The following NRG3 variants were observed in gnomAD, a reference collection of about 807,000 sequenced individuals.
NRG3 encodes neuregulin 3.
Under a neutral mutation model 66.9 loss-of-function variants are expected in NRG3, and 31 were observed. The observed-to-expected ratio is 0.46, with a 90% CI of 0.35 to 0.63. The LOEUF is 0.63. NRG3 is among the 20% of genes least tolerant of loss of function. The pLI, the probability that NRG3 is intolerant of heterozygous loss-of-function variation, is 0.00. For missense variants in NRG3, 910 were observed against 878.9 expected, an observed-to-expected ratio of 1.04 and a Z score of -0.45; for synonymous variants, 393 against 359.4, an observed-to-expected ratio of 1.09 and a Z score of -1.06.
chr10:82,745,525 A>G (rs2058605447), intron 3 of NRG3, among the ~76,000 whole-genome samples: 1 of 152,138 alleles, frequency 6.6e-6, no homozygotes, highest in Non-Finnish European at 1.5e-5. Flanking sequence ...ATTTATATGT[A>G]AAATCTGTCA....
chr10:82,425,574 G>A (rs1299689474), intron 2 of NRG3, among the ~76,000 whole-genome samples: 2 of 152,076 alleles, frequency 1.3e-5, no homozygotes, highest in Admixed American at 6.6e-5. Context: ...TTTAACGCAT[G>A]CTTTGTCTCT....
intron 3 of NRG3, among the ~76,000 whole-genome samples, chr10:82,777,358 T>C (rs1291186514): frequency 6.6e-6 from 1 of 152,118 alleles, no homozygotes; most frequent in Non-Finnish European, 1.5e-5. Context: ...TGCTGTCTGG[T>C]TTGACATGTC....
rs1030197354 is a variant in NRG3 at position 82,778,894 on chromosome 10, A to G, written c.1027+40244A>G. Among the ~76,000 whole-genome samples the G allele has an allele frequency of 4.6e-5, 7 of 151,582 alleles. 1 individual carries two copies. In the South Asian group the frequency reaches 1.5e-3, roughly 32 times the overall value. ...TAGACAGGGGTGGAGCTCAGCAGTG[A>G]CTGGGATGCGGGGGAGGGATTCTCT... On this transcript the variant is annotated intron_variant, in intron 3 of 8. Coordinates refer to ENST00000372141, the MANE Select transcript of NRG3 (RefSeq NM_001010848.4).
At chr10:82,175,139 T>G in intron 1 of NRG3, among the ~76,000 whole-genome samples, 1 of 152,158 alleles carries the variant, frequency 6.6e-6, no homozygotes, top group East Asian at 1.9e-4. Flanking sequence ...TACCCATCAC[T>G]TTCTGTCATC....
intron 1 of NRG3, among the ~76,000 whole-genome samples, chr10:81,935,876 AAC>A (rs55670416): frequency 0.16 from 21,731 of 131,980 alleles, 1,897 homozygotes; most frequent in African/African-American, 0.23. Context: ...TCAGTGCCTG[AAC>A]ACACACACAC....
intron 2 of NRG3, among the ~76,000 whole-genome samples, chr10:82,604,472 A>G (rs1036471211): frequency 3.9e-5 from 6 of 152,150 alleles, no homozygotes; most frequent in African/African-American, 1.2e-4. Context: ...ACATTTTGGC[A>G]ATTACAAATA....
intron 1 of NRG3, among the ~76,000 whole-genome samples, chr10:82,050,451 A>G (rs533940068): frequency 5.3e-5 from 8 of 151,812 alleles, no homozygotes; most frequent in Non-Finnish European, 8.8e-5. Flanking sequence ...GGCTGAATGG[A>G]TTGGTGGATG....
intron 4 of NRG3, among the ~76,000 whole-genome samples, chr10:82,906,960 T>C (rs1844790491): frequency 6.6e-6 from 1 of 152,186 alleles, no homozygotes; most frequent in South Asian, 2.1e-4. Flanking sequence ...AATTAGTGAT[T>C]ATAACAGTGG....
intron 6 of NRG3, among the ~76,000 whole-genome samples, chr10:82,961,454 G>A (rs1850630868): frequency 6.6e-6 from 1 of 152,192 alleles, no homozygotes; most frequent in Admixed American, 6.5e-5. Flanking sequence ...GCAGAAAATA[G>A]AAATGGGATT....
chr10:82,595,405 C>A (rs865915829), intron 2 of NRG3, among the ~76,000 whole-genome samples: 1 of 152,178 alleles, frequency 6.6e-6, no homozygotes, highest in Non-Finnish European at 1.5e-5. Flanking sequence ...GATACTTAGT[C>A]TTTTAGCTCT....
chr10:82,220,623 A>G (rs79996718), intron 1 of NRG3, among the ~76,000 whole-genome samples: 1 of 152,138 alleles, frequency 6.6e-6, no homozygotes. Flanking sequence ...AAAAAACTCC[A>G]AAATATCACA....
At chr10:82,319,277 C>T (rs1264474734) in intron 1 of NRG3, among the ~76,000 whole-genome samples, 5 of 152,206 alleles carry the variant, frequency 3.3e-5, no homozygotes, top group Non-Finnish European at 7.3e-5. Flanking sequence ...GGAACCTGAG[C>T]TGTTCCATAT....
At chr10:82,726,412 TG>T (rs2057602212) in intron 2 of NRG3, among the ~76,000 whole-genome samples, 1 of 152,122 alleles carries the variant, frequency 6.6e-6, no homozygotes, top group Non-Finnish European at 1.5e-5. Context: ...AATTGAATCA[TG>T]GGGGCGAGTC....
At chr10:82,456,552 A>T (rs1217326169) in intron 2 of NRG3, among the ~76,000 whole-genome samples, 2 of 152,090 alleles carry the variant, frequency 1.3e-5, no homozygotes, top group African/African-American at 4.8e-5. Flanking sequence ...AGGTAATAGA[A>T]ATTTTTCAGC....
At chr10:82,367,039 A>T (rs1335487070) in intron 2 of NRG3, among the ~76,000 whole-genome samples, 3 of 152,148 alleles carry the variant, frequency 2.0e-5, no homozygotes, top group African/African-American at 7.2e-5. Flanking sequence ...GATCTCTGGC[A>T]GTTAGTACAT....
At chr10:82,280,262 T>C (rs894230488) in intron 1 of NRG3, among the ~76,000 whole-genome samples, 1 of 152,184 alleles carries the variant, frequency 6.6e-6, no homozygotes, top group Non-Finnish European at 1.5e-5. Flanking sequence ...TGATATTAAA[T>C]AGGGCACAAG....
rs2087211094 is a variant in NRG3, at chr10:82,402,849, C to T, written c.953+43981C>T. Reference sequence around the variant, plus strand: ...TGATCACTGTGTTTTTGGATTTGGTCCCAAGTTATTTTCTGTGAGATCCTC... The same window carrying T: ...TGATCACTGTGTTTTTGGATTTGGTTCCAAGTTATTTTCTGTGAGATCCTC... On this transcript the variant is annotated intron_variant, in intron 2 of 8. Coordinates refer to ENST00000372141, the MANE Select transcript of NRG3 (RefSeq NM_001010848.4). 2.0e-5 allele frequency among the ~76,000 whole-genome samples: 3 copies of T among 152,012 alleles called. No homozygotes were observed. In the South Asian group the frequency reaches 6.2e-4, roughly 32 times the overall value.
At chr10:82,323,976 C>A (rs142422669) in intron 1 of NRG3, among the ~76,000 whole-genome samples, 31 of 152,196 alleles carry the variant, frequency 2.0e-4, no homozygotes, top group Non-Finnish European at 2.9e-4. Context: ...GCTATTCTCT[C>A]GCCTTAGCCT....
chr10:82,974,325 CG>C (rs1194041325), intron 7 of NRG3, among the ~76,000 whole-genome samples: 31 of 152,228 alleles, frequency 2.0e-4, no homozygotes, highest in African/African-American at 7.5e-4. Flanking sequence ...AAATTTTCCA[CG>C]GGGAAGAAGC....
Sources: gnomAD v4.1 joint callset for allele counts (sites outside exome capture counted in the v4.1 genomes callset) on GRCh38, gnomAD v4.1.1 for gene constraint, MANE v1.5 for transcripts, NCBI Gene and HGNC (gene_info 2026-07-23, HGNC 2026-07-21) for gene names.